Variants in NTM observed in about 807,000 individuals in gnomAD.
The protein encoded by NTM is IgLON family member 2.
NTM carries 13 observed loss-of-function variants against 42.1 expected under a neutral mutation model. That is an observed-to-expected ratio of 0.31 (90% confidence interval 0.20 to 0.49). The LOEUF (loss-of-function observed/expected upper bound fraction) is 0.49. NTM is among the 20% of genes least tolerant of loss of function. The pLI is 0.99. For missense variants in NTM, 373 were observed against 452.8 expected (o/e 0.82, Z 1.60); for synonymous variants, 187 against 179.2 (o/e 1.04, Z -0.35).
At chr11:132,017,133 A>C (rs2073559155) in intron 2 of NTM, among the ~76,000 whole-genome samples, 1 of 151,888 alleles carries the variant, frequency 6.6e-6, no homozygotes, top group Non-Finnish European at 1.5e-5. Flanking sequence ...TGAATCACAA[A>C]ATTTTAATTT....
At chr11:131,879,163 C>A (rs571418742) in intron 1 of NTM, among the ~76,000 whole-genome samples, 1 of 152,304 alleles carries the variant, frequency 6.6e-6, no homozygotes, top group Middle Eastern at 3.4e-3. Context: ...CAGCAAACTT[C>A]ATGTGTATTC....
intron 1 of NTM, among the ~76,000 whole-genome samples, chr11:131,831,182 G>A (rs2042772786): frequency 6.6e-6 from 1 of 151,972 alleles, no homozygotes; most frequent in African/African-American, 2.4e-5. Context: ...TGATTGCTGT[G>A]GATAGGACTT....
intron 3 of NTM, among the ~76,000 whole-genome samples, chr11:132,162,443 G>T (rs1027977818): frequency 1.3e-5 from 2 of 148,196 alleles, no homozygotes; most frequent in East Asian, 4.1e-4. Context: ...TTTGTGTAGA[G>T]CATGTGTGTG....
chr11:131,769,903 T>C (rs1219194990), intron 1 of NTM, among the ~76,000 whole-genome samples: 1 of 152,196 alleles, frequency 6.6e-6, no homozygotes, highest in Non-Finnish European at 1.5e-5. Context: ...ATGAATAGTA[T>C]CTATTCCAGG....
At chr11:131,940,069 A>G (rs2059632016) in intron 2 of NTM, among the ~76,000 whole-genome samples, 2 of 152,242 alleles carry the variant, frequency 1.3e-5, no homozygotes, top group Non-Finnish European at 2.9e-5. Flanking sequence ...AAACTGTGTA[A>G]AACACCTCCC....
intron 1 of NTM, among the ~76,000 whole-genome samples, chr11:131,779,728 C>T (rs1271072115): frequency 6.6e-6 from 1 of 152,068 alleles, no homozygotes; most frequent in African/African-American, 2.4e-5. Flanking sequence ...TGTTGAAAGA[C>T]AAGCAGATGT....
At chr11:131,557,135 T>C (rs1467819145) in intron 1 of NTM, among the ~76,000 whole-genome samples, 1 of 152,082 alleles carries the variant, frequency 6.6e-6, no homozygotes, top group Non-Finnish European at 1.5e-5. Flanking sequence ...TAGAGATGAA[T>C]ATTATCTCTC....
intron 2 of NTM, among the ~76,000 whole-genome samples, chr11:132,136,719 A>G (rs1014814031): frequency 6.6e-6 from 1 of 152,140 alleles, no homozygotes; most frequent in Non-Finnish European, 1.5e-5. Context: ...CTAAGCTGTG[A>G]TATTTTTTTT....
chr11:131,823,720 A>G (rs1215899851), intron 1 of NTM, among the ~76,000 whole-genome samples: 2 of 152,232 alleles, frequency 1.3e-5, no homozygotes, highest in African/African-American at 2.4e-5. Context: ...CTCAATGTGC[A>G]TTGCTTAAAA....
chr11:131,959,607 G>A (rs2061919975), intron 2 of NTM, among the ~76,000 whole-genome samples: 1 of 152,190 alleles, frequency 6.6e-6, no homozygotes, highest in Non-Finnish European at 1.5e-5. Flanking sequence ...CTGCACTCCA[G>A]CCTGAGTGAC....
At chr11:131,945,525 C>T (rs905905801) in intron 2 of NTM, among the ~76,000 whole-genome samples, 1 of 152,110 alleles carries the variant, frequency 6.6e-6, no homozygotes, top group African/African-American at 2.4e-5. Flanking sequence ...TAAGCCTATA[C>T]CCTTCTCTGA....
At chr11:132,070,001 G>A (rs1357517894) in intron 2 of NTM, among the ~76,000 whole-genome samples, 1 of 129,568 alleles carries the variant, frequency 7.7e-6, no homozygotes, top group Admixed American at 8.1e-5. Flanking sequence ...TAGTTAACAC[G>A]TCACACAGCC....
chr11:131,843,691 T>C (rs556963859), intron 1 of NTM, among the ~76,000 whole-genome samples: 1 of 152,350 alleles, frequency 6.6e-6, no homozygotes, highest in East Asian at 1.9e-4. Context: ...AAAATCTCAC[T>C]AGACTGCATG....
At chr11:131,499,435 C>T (rs922764424) in intron 1 of NTM, among the ~76,000 whole-genome samples, 2 of 152,150 alleles carry the variant, frequency 1.3e-5, no homozygotes, top group African/African-American at 2.4e-5. Flanking sequence ...GTCCCCAGCC[C>T]GGTCTGAGCC....
At chr11:131,620,930 T>TTAAA (rs2062463621) in intron 1 of NTM, among the ~76,000 whole-genome samples, 1 of 152,232 alleles carries the variant, frequency 6.6e-6, no homozygotes, top group Non-Finnish European at 1.5e-5. Context: ...TAGCTACTTC[T>TTAAA]TAAATGAATG....
At chr11:132,207,955 AC>A (rs1489569849) in intron 3 of NTM, among the ~76,000 whole-genome samples, 1 of 151,956 alleles carries the variant, frequency 6.6e-6, no homozygotes, top group African/African-American at 2.4e-5. Flanking sequence ...GAGGCTGTGA[AC>A]TCCTTGAGGA....
chr11:132,041,632 T>G (rs1319557010), intron 2 of NTM, among the ~76,000 whole-genome samples: 5 of 152,206 alleles, frequency 3.3e-5, no homozygotes, highest in Non-Finnish European at 7.3e-5. Flanking sequence ...TTAGGAGTCT[T>G]TCTTCTCTCT....
At chr11:132,288,315 TACTTAA>T (rs899172719) in intron 4 of NTM, among the ~76,000 whole-genome samples, 1 of 152,196 alleles carries the variant, frequency 6.6e-6, no homozygotes, top group East Asian at 1.9e-4. Context: ...TCAGAAGATT[TACTTAA>T]ACTTAAAGGG....
intron 1 of NTM, among the ~76,000 whole-genome samples, chr11:131,835,302 T>C (rs2043349248): frequency 6.6e-6 from 1 of 152,150 alleles, no homozygotes; most frequent in Non-Finnish European, 1.5e-5. Context: ...AGAATGTTGC[T>C]GGGATCACTT....
Sources: gnomAD v4.1 joint callset for allele counts (sites outside exome capture counted in the v4.1 genomes callset) on GRCh38, gnomAD v4.1.1 for gene constraint, MANE v1.5 for transcripts, NCBI Gene and HGNC (gene_info 2026-07-23, HGNC 2026-07-21) for gene names.